The following AZIN1 variants were observed in gnomAD, a reference collection of about 807,000 sequenced individuals.
AZIN1 encodes the protein ornithine decarboxylase antizyme inhibitor.
A neutral mutation model predicts 47.4 loss-of-function variants in AZIN1; 12 were observed. The observed-to-expected ratio is 0.25, with a 90% confidence interval of 0.16 to 0.41. The LOEUF (loss-of-function observed/expected upper bound fraction) is 0.41. AZIN1 is among the 10% of genes least tolerant of loss of function. The pLI is 1.00. For missense variants in AZIN1, 410 were observed against 532.4 expected, an observed-to-expected ratio of 0.77 and a Z score of 2.26; for synonymous variants, 155 against 176.3, an observed-to-expected ratio of 0.88 and a Z score of 0.96.
intron 2 of AZIN1, among the ~76,000 whole-genome samples, chr8:102,850,674 T>C (rs1048400658): frequency 2.6e-5 from 4 of 152,160 alleles, no homozygotes; most frequent in Non-Finnish European, 4.4e-5. Context: ...ACAGCCTACA[T>C]TGAGTACTCA....
chr8:102,843,590 A>C lies in AZIN1; in HGVS notation c.63T>G (p.Leu21=), dbSNP rs774559657. The C allele has an allele frequency of 6.2e-7, 1 of 1,614,082 alleles. No individual in the cohort carries two copies. ...AAACATAGTTATCAATAACATTTCC[A>C]AGGTTTGTTCCTTCATCCAACAGGC... The part of the protein sequence containing the change: ...SVGLLDEGTN[L]GNVIDNYVYE... The change falls in exon 3 of 12, where the codon CTT becomes CTG. Residue 21 remains leucine, a synonymous_variant. Transcript: ENST00000337198.
rs1430610591 is a variant in AZIN1, at chr8:102,827,348, G to T, written c.*1219C>A. On this transcript the variant is annotated 3_prime_UTR_variant, in exon 12 of 12. Transcript: ENST00000337198. ...TTCCCCCAACCACCATAAAATTTTA[G>T]TAAGAAAAGAATTAAAAGTAATGAC... is the stretch of plus-strand genomic sequence containing the variant. 6.6e-6 allele frequency: 1 copy of T among 152,096 alleles called. No homozygotes were observed. Among genetic ancestry groups the T allele is most frequent in the Non-Finnish European group, 1.5e-5 (1 of 67,994 alleles). The allele number at this position is 152,096 out of a possible 1,614,324, so 9.4% of individuals were successfully genotyped here.
At chr8:102,840,235 T>TAA (rs776597180) in intron 3 of AZIN1, among the ~76,000 whole-genome samples, 12 of 152,190 alleles carry the variant, frequency 7.9e-5, no homozygotes, top group Non-Finnish European at 1.5e-4. Context: ...CCTAATACAG[T>TAA]AAGTAGAATC....
chr8:102,828,558 A>G lies in AZIN1; in HGVS notation c.*9T>C. On this transcript the variant is annotated 3_prime_UTR_variant, in exon 12 of 12. Transcript: ENST00000337198. ...GCAACTTCAGATCTAAAGAAGCGTTAATGCCTGTTTAAGCTTCAGCGGAAA... is the reference window on the plus strand; with the variant it reads ...GCAACTTCAGATCTAAAGAAGCGTTGATGCCTGTTTAAGCTTCAGCGGAAA... 2 of 1,582,098 alleles carry G rather than the reference A, an allele frequency of 1.3e-6. No individual in the cohort carries two copies. Among genetic ancestry groups the G allele is most frequent in the South Asian group, 2.2e-5 (2 of 89,466 alleles).
At chr8:102,831,708 T>C (rs1395115666) in intron 9 of AZIN1, among the ~76,000 whole-genome samples, 1 of 150,850 alleles carries the variant, frequency 6.6e-6, no homozygotes, top group Non-Finnish European at 1.5e-5. Flanking sequence ...TCCCAGCACT[T>C]TGGGAGGCTG....
In AZIN1 at chr8:102,838,933, A is replaced by G. The variant is rs1196782039; in HGVS notation, c.277-17T>C. Reference sequence around the variant, plus strand: ...CATTTCATTCTGTGAAAATGAGGTTAAAGTGAGAATACATAATGTCACAGT... The same window carrying G: ...CATTTCATTCTGTGAAAATGAGGTTGAAGTGAGAATACATAATGTCACAGT... On this transcript the variant is annotated splice_polypyrimidine_tract_variant and intron_variant, in intron 4 of 11. Transcript: ENST00000337198. 6.2e-7 allele frequency: 1 copy of G among 1,602,696 alleles called. No homozygotes were observed. The highest frequency in any genetic ancestry group is 8.5e-7 in the Non-Finnish European group (1 of 1,173,196).
At chr8:102,829,580 T>G in intron 10 of AZIN1, 94 bp from the exon 11 acceptor site, 1 of 1,220,538 alleles carries the variant, frequency 8.2e-7, no homozygotes, top group East Asian at 2.3e-5. Context: ...TCAGATCCAA[T>G]GTGCTCATGG....
At chr8:102,852,248 C>T (rs1269389068) in intron 2 of AZIN1, among the ~76,000 whole-genome samples, 6 of 152,054 alleles carry the variant, frequency 3.9e-5, no homozygotes, top group Non-Finnish European at 1.5e-5. Context: ...CAGTAAAGAG[C>T]AAGAAGCAGA....
At chr8:102,854,044 C>G (rs562716234) in intron 2 of AZIN1, among the ~76,000 whole-genome samples, 3 of 152,184 alleles carry the variant, frequency 2.0e-5, no homozygotes, top group Admixed American at 6.5e-5. Context: ...CGGGTTCAAG[C>G]AGGCCTCAGC....
intron 9 of AZIN1, among the ~76,000 whole-genome samples, chr8:102,831,628 A>G (rs1434047558): frequency 2.9e-5 from 4 of 140,266 alleles, no homozygotes; most frequent in African/African-American, 1.1e-4. Context: ...GGGCAACAAG[A>G]GCAAAACAGT....
intron 1 of AZIN1, among the ~76,000 whole-genome samples, chr8:102,862,321 C>G (rs1813729296): frequency 6.6e-6 from 1 of 151,944 alleles, no homozygotes; most frequent in South Asian, 2.1e-4. Flanking sequence ...TGAAATGCAT[C>G]GACAAATAAG....
rs534422539 is a variant in AZIN1 at position 102,828,848 on chromosome 8, T to A, written c.1236-170A>T. Among the ~76,000 whole-genome samples, 221 of 152,370 alleles carry A rather than the reference T, an allele frequency of 1.5e-3. 1 individual carries two copies. The highest frequency in any genetic ancestry group is 5.0e-3 in the African/African-American group (208 of 41,594). ...GCAGAGTGATGTTTTGGTCAAAGAC[T>A]ACACATATGACTGTGGTATACCGTA... On this transcript the variant is annotated intron_variant, in intron 11 of 11. Transcript: ENST00000337198.
chr8:102,834,604 G>T, intron 7 of AZIN1, 62 bp downstream of exon 7: 1 of 1,277,440 alleles, frequency 7.8e-7, no homozygotes, highest in South Asian at 1.3e-5. Flanking sequence ...AAAATACTTA[G>T]TCTTTAACTT....
chr8:102,850,368 C>A (rs896029814), intron 2 of AZIN1, among the ~76,000 whole-genome samples: 1 of 152,200 alleles, frequency 6.6e-6, no homozygotes, highest in African/African-American at 2.4e-5. Context: ...TAGCACCCAG[C>A]TCACAGCTTT....
In AZIN1 at chr8:102,828,368, C is replaced by A. The variant is rs879450499; in HGVS notation, c.*199G>T. On this transcript the variant is annotated 3_prime_UTR_variant, in exon 12 of 12. Transcript: ENST00000337198. Reference sequence around the variant, plus strand: ...AAACTGGTAGGTTTAAATCTGGATACATTATCTAAATCTCCCATTATCCCC... The same window carrying A: ...AAACTGGTAGGTTTAAATCTGGATAAATTATCTAAATCTCCCATTATCCCC... 2.3e-6 allele frequency: 1 copy of A among 441,228 alleles called. No homozygotes were observed. The highest frequency in any genetic ancestry group is 4.4e-5 in the South Asian group (1 of 22,782). 27.3% of individuals were successfully genotyped at this position (441,228 alleles called of 1,614,324 possible).
At chr8:102,843,783 T>C in intron 2 of AZIN1, 36 bp from the exon 3 acceptor site, 1 of 1,366,792 alleles carries the variant, frequency 7.3e-7, no homozygotes, top group East Asian at 2.7e-5. Flanking sequence ...GTCTGTATTA[T>C]TTCAATAGAC....
At chr8:102,849,559 A>C (rs1168804139) in intron 2 of AZIN1, among the ~76,000 whole-genome samples, 1 of 152,224 alleles carries the variant, frequency 6.6e-6, no homozygotes, top group Non-Finnish European at 1.5e-5. Context: ...ACTCCATGTA[A>C]ATCTTAGATT....
At position 102,864,153 on chromosome 8, in the gene AZIN1, C is replaced by A; in HGVS notation, c.-580G>T. The A allele has an allele frequency of 5.5e-6, 1 of 180,902 alleles. No homozygotes were observed. The highest frequency in any genetic ancestry group is 1.2e-5 in the Non-Finnish European group (1 of 86,760). The allele number at this position is 180,902 out of a possible 1,614,324, so 11.2% of individuals were successfully genotyped here. A position where few individuals can be genotyped will look rare whatever the true frequency, so the allele number is the denominator to read the frequency against. ...GGAAAAACTGCGGCCGCGATCAGAG[C>A]CTGAAAGTGTGAGAAGGCGGCGCCA... On this transcript the variant is annotated 5_prime_UTR_variant, in exon 1 of 12. Transcript: ENST00000337198.
chr8:102,842,725 C>CA (rs1316488262), intron 3 of AZIN1, among the ~76,000 whole-genome samples: 2 of 147,890 alleles, frequency 1.4e-5, no homozygotes, highest in East Asian at 4.0e-4. Context: ...AAACAAAAAA[C>CA]AAAAAACAAA....
Sources: allele counts gnomAD v4.1 joint callset (sites outside exome capture counted in the v4.1 genomes callset), GRCh38; gene constraint gnomAD v4.1.1; transcripts MANE v1.5; gene names NCBI Gene and HGNC (gene_info 2026-07-23, HGNC 2026-07-21).